Variants in RXRG observed in about 807,000 individuals in gnomAD.
RXRG encodes the protein retinoic acid receptor RXR-gamma.
RXRG carries 19 observed loss-of-function variants against 49.2 expected under a neutral mutation model. The observed-to-expected ratio is 0.39, with a 90% CI of 0.27 to 0.57. The LOEUF is 0.57. Among genes scored for constraint, RXRG ranks in the 20% least tolerant of loss-of-function variants. The pLI is 0.64. For synonymous variants in RXRG, 224 were observed against 216.6 expected (o/e 1.03, Z -0.30); for missense variants, 452 against 592.5 (o/e 0.76, Z 2.46).
At chr1:165,417,289 C>CAAGAGGT in intron 3 of RXRG, 69 bp from the exon 4 acceptor site, 1 of 1,418,070 alleles carries the variant, frequency 7.1e-7, no homozygotes, top group Non-Finnish European at 9.6e-7. Context: ...TCAAAAGAAC[C>CAAGAGGT]TCTTGGCTCT....
intron 9 of RXRG, among the ~76,000 whole-genome samples, chr1:165,402,191 TCTC>T: frequency 6.6e-6 from 1 of 151,736 alleles, no homozygotes; most frequent in East Asian, 1.9e-4. Context: ...TTCAAGCAAT[TCTC>T]CTGCCTCAGC....
At chr1:165,401,906 T>C (rs796973215) in intron 9 of RXRG, among the ~76,000 whole-genome samples, 2 of 152,354 alleles carry the variant, frequency 1.3e-5, no homozygotes, top group African/African-American at 4.8e-5. Flanking sequence ...TGCTTTAGTT[T>C]CCAGCCCCCA....
rs922588122 is a variant in RXRG, at chr1:165,445,079, GA to G, written c.-187del. 7 of 616,958 alleles carry G rather than the reference GA, an allele frequency of 1.1e-5. No homozygotes were observed. Among genetic ancestry groups the G allele is most frequent in the African/African-American group, 1.8e-5 (1 of 54,416 alleles). 38.2% of individuals were successfully genotyped at this position (616,958 alleles called of 1,614,324 possible). ...TAGTCAGGAATCTGCCTCTAGATCGGAGAGTCCACATAGTGCGTTTGAGACG... is the reference window on the plus strand; with the variant it reads ...TAGTCAGGAATCTGCCTCTAGATCGGGAGTCCACATAGTGCGTTTGAGACG... On this transcript the variant is annotated 5_prime_UTR_variant, in exon 1 of 10. An upstream open reading frame in the 5' UTR gains an earlier in-frame stop. Coordinates refer to ENST00000359842, the MANE Select transcript of RXRG (RefSeq NM_006917.5).
chr1:165,414,388 C>T (rs1018487555), intron 4 of RXRG, among the ~76,000 whole-genome samples: 1 of 152,182 alleles, frequency 6.6e-6, no homozygotes, highest in Non-Finnish European at 1.5e-5. Context: ...ATTTAACGAA[C>T]CACAGTTCCC....
chr1:165,417,265 T>C, intron 3 of RXRG, 45 bp from the exon 4 acceptor site: 4 of 1,533,292 alleles, frequency 2.6e-6, no homozygotes, highest in Non-Finnish European at 3.5e-6. Context: ...CTTGTGTTTA[T>C]TTGGATCTTT....
chr1:165,410,790 C>T lies in RXRG; in HGVS notation c.825G>A (p.Lys275=), dbSNP rs185905. The T allele has an allele frequency of 0.017, 27,316 of 1,614,146 alleles. 267 individuals are homozygous for T. The highest frequency in any genetic ancestry group is 0.019 in the Non-Finnish European group (21,947 of 1,180,000). Residue 275 remains lysine (K), a synonymous_variant, in exon 6 of 10, where the codon AAG becomes AAA. Coordinates refer to ENST00000359842, the MANE Select transcript of RXRG (RefSeq NM_006917.5). ...CCCATTCAACGAGGGTGAAAAGCTG[C>T]TTGTCAGCAGCATGACATATGTTGG... ...PVTNICHAAD[K]QLFTLVEWAK... is the part of the protein sequence containing the mutation.
chr1:165,432,088 C>T (rs1483079950), intron 1 of RXRG, among the ~76,000 whole-genome samples: 1 of 152,084 alleles, frequency 6.6e-6, no homozygotes, highest in Non-Finnish European at 1.5e-5. Flanking sequence ...CTTTGAAGAA[C>T]TCATGAGTTG....
At chr1:165,443,824 G>C (rs1194026915) in intron 1 of RXRG, among the ~76,000 whole-genome samples, 1 of 152,186 alleles carries the variant, frequency 6.6e-6, no homozygotes, top group Non-Finnish European at 1.5e-5. Flanking sequence ...CAGATGAATT[G>C]GTCCACGGAG....
In RXRG at chr1:165,408,213, T is replaced by G; in HGVS notation, c.1138+14A>C. ...GCTGAACACACACATCCCCTGGGGT[T>G]GAAGGGCGGTTACCTGGGTTAAAGA... On this transcript the variant is annotated intron_variant, in intron 8 of 9. Coordinates refer to ENST00000359842, the MANE Select transcript of RXRG (RefSeq NM_006917.5). 6.2e-7 allele frequency: 1 copy of G among 1,606,116 alleles called. No homozygotes were observed. The highest frequency in any genetic ancestry group is 8.5e-7 in the Non-Finnish European group (1 of 1,172,726).
Position 165,410,999 on chromosome 1 carries a change from C to G in RXRG, c.733G>C (p.Ala245Pro). 6.2e-7 allele frequency: 1 copy of G among 1,614,138 alleles called. No individual in the cohort carries two copies. Among genetic ancestry groups the G allele is most frequent in the South Asian group, 1.1e-5 (1 of 91,078 alleles). The stretch of plus-strand genomic sequence containing the variant: ...TAGGATTCTGTCTTTGGTTCAACAG[C>G]AAGTTCAGCTTCTAGAATCCTCTCC... ...PVERILEAEL[A>P]VEPKTESYGD... is the part of the protein sequence containing the mutation. Residue 245 changes from alanine (A) to proline (P), a missense_variant, in exon 5 of 10, where the codon GCT becomes CCT. Transcript: ENST00000359842.
intron 4 of RXRG, among the ~76,000 whole-genome samples, chr1:165,414,862 G>A (rs1437967985): frequency 6.6e-6 from 1 of 152,192 alleles, no homozygotes; most frequent in East Asian, 1.9e-4. Context: ...ATGAATAAAT[G>A]AATGAGTCAT....
intron 6 of RXRG, 147 bp downstream of exon 6, chr1:165,410,555 G>T: frequency 1.3e-6 from 1 of 765,038 alleles, no homozygotes; most frequent in Non-Finnish European, 1.9e-6. Flanking sequence ...TGCTTCCTTT[G>T]GGAATGAACA....
In RXRG at chr1:165,419,905, T is replaced by C; in HGVS notation, c.407A>G (p.Lys136Arg). ...YPSTSPGSLV[K>R]HICAICGDRS... ...GTCTCCACAGATGGCACAGATGTGT[T>C]TAACCAGAGATCCGGGGCTGGTGGA... Residue 136 changes from lysine (K) to arginine (R), a missense_variant, in exon 3 of 10, where the codon AAA becomes AGA. Coordinates refer to ENST00000359842, the MANE Select transcript of RXRG (RefSeq NM_006917.5). The C allele has an allele frequency of 6.2e-7, 1 of 1,613,430 alleles. No individual in the cohort carries two copies. The highest frequency in any genetic ancestry group is 8.5e-7 in the Non-Finnish European group (1 of 1,179,672).
chr1:165,434,852 C>T (rs192708098), intron 1 of RXRG, among the ~76,000 whole-genome samples: 296 of 152,366 alleles, frequency 1.9e-3, no homozygotes, highest in African/African-American at 6.8e-3. Flanking sequence ...TTCCCTGCTT[C>T]GCTCTTAACA....
intron 4 of RXRG, among the ~76,000 whole-genome samples, chr1:165,414,596 A>C (rs1658069144): frequency 6.6e-6 from 1 of 152,174 alleles, no homozygotes; most frequent in Non-Finnish European, 1.5e-5. Flanking sequence ...ACTTATCTCA[A>C]GTGTTTTAGG....
rs1437493514 is a variant in RXRG, at chr1:165,404,968, AG to A, written c.1244+1843del. ...GAGACAGGATTTCTACATGTTGGTC[AG>A]GCTGGTCTTGAACAACCGACCTCAG... On this transcript the variant is annotated intron_variant, in intron 9 of 9. Transcript: ENST00000359842. Among the ~76,000 whole-genome samples, 3 of 152,224 alleles carry A rather than the reference AG, an allele frequency of 2.0e-5. No homozygotes were observed. In the East Asian group the frequency reaches 5.8e-4, roughly 29 times the overall value.
At position 165,411,058 on chromosome 1, in the gene RXRG, T is replaced by C. The variant is rs768272132; in HGVS notation, c.674A>G (p.Glu225Gly). 6.2e-7 allele frequency: 1 copy of C among 1,614,146 alleles called. No homozygotes were observed. Among genetic ancestry groups the C allele is most frequent in the Non-Finnish European group, 8.5e-7 (1 of 1,180,008 alleles). Residue 225 changes from glutamate to glycine, a missense_variant, in exon 5 of 10, where the codon GAA becomes GGA. Glu to Gly is a moderately conservative substitution (Grantham distance 98). Around this residue, in one of 2 missense-constraint regions of RXRG, gnomAD observed 286 missense variants for 440.9 expected, o/e 0.65. Transcript: ENST00000359842. ...GTCTTCATGACCACTGGTAGCACAT[T>C]CTGCCTCACTCTCAGCTCGCTCTCG... is the stretch of plus-strand genomic sequence containing the variant. ...RSRERAESEA[E>G]CATSGHEDMP...
In RXRG at chr1:165,444,902, G is replaced by C; in HGVS notation, c.-9C>G. 1 of 1,609,230 alleles carries C rather than the reference G, an allele frequency of 6.2e-7. No homozygotes were observed. The highest frequency in any genetic ancestry group is 8.5e-7 in the Non-Finnish European group (1 of 1,175,722). On this transcript the variant is annotated 5_prime_UTR_variant, in exon 1 of 10. Transcript: ENST00000359842. ...GAATAATTTCCATACATGTTTACTC[G>C]TCAGTTCATGTTCCTCTCCTGTGCA...
At position 165,428,901 on chromosome 1, in the gene RXRG, T is replaced by C; in HGVS notation, c.115A>G (p.Met39Val). The C allele has an allele frequency of 6.2e-7, 1 of 1,613,960 alleles. No individual in the cohort carries two copies. The highest frequency in any genetic ancestry group is 8.5e-7 in the Non-Finnish European group (1 of 1,179,960). ...TCTGTGTAGCTGGGGTGGCTGTCCA[T>C]TGGCTTCCCTGTGGACAAGGCTGCT... ...PSAALSTGKP[M>V]DSHPSYTDTP... Residue 39 changes from methionine (M) to valine (V), a missense_variant, in exon 2 of 10, where the codon ATG becomes GTG. Physicochemically the swap from Met to Val is conservative, Grantham distance 21. Coordinates refer to ENST00000359842, the MANE Select transcript of RXRG (RefSeq NM_006917.5).
Sources: gnomAD v4.1 joint callset for allele counts (sites outside exome capture counted in the v4.1 genomes callset) on GRCh38, gnomAD v4.1.1 for gene constraint, gnomAD v4.1.1 regional missense constraint, MANE v1.5 for transcripts, NCBI Gene and HGNC (gene_info 2026-07-23, HGNC 2026-07-21) for gene names.